The following EZH2 variants were observed in gnomAD, a reference collection of about 807,000 sequenced individuals.
EZH2 encodes the protein histone-lysine N-methyltransferase EZH2.
Under a neutral mutation model 98.4 loss-of-function variants are expected in EZH2, and 18 were observed. The observed-to-expected ratio is 0.18, with a 90% CI of 0.13 to 0.27. The LOEUF (loss-of-function observed/expected upper bound fraction) is 0.27, where lower values mean the gene tolerates loss of function less well. Ranked by LOEUF, EZH2 falls within the 10% of genes least tolerant of loss-of-function variation. The pLI, the probability that EZH2 is intolerant of heterozygous loss-of-function variation, is 1.00. For missense variants in EZH2, 470 were observed against 935.1 expected (o/e 0.50, Z 6.49); for synonymous variants, 338 against 312.3 (o/e 1.08, Z -0.87).
chr7:148,842,250 C>T (rs181525239), intron 3 of EZH2, among the ~76,000 whole-genome samples: 1 of 152,268 alleles, frequency 6.6e-6, no homozygotes, highest in Non-Finnish European at 1.5e-5. Flanking sequence ...AGTCATAACA[C>T]ATACAGTAGA....
intron 1 of EZH2, among the ~76,000 whole-genome samples, chr7:148,870,764 T>C (rs543146486): frequency 6.6e-6 from 1 of 150,596 alleles, no homozygotes; most frequent in Admixed American, 6.6e-5. Context: ...ACCCCGACTC[T>C]ATAAAAATGC....
intron 17 of EZH2, chr7:148,810,104 C>A: frequency 2.4e-6 from 1 of 413,942 alleles, no homozygotes; most frequent in Non-Finnish European, 4.5e-6. Flanking sequence ...ATAGTGCCAC[C>A]CACAGACAGC....
intron 8 of EZH2, among the ~76,000 whole-genome samples, chr7:148,823,264 A>G (rs924800303): frequency 1.3e-5 from 2 of 152,172 alleles, no homozygotes; most frequent in Non-Finnish European, 2.9e-5. Flanking sequence ...GGTAAACTTA[A>G]ACTTGCATGA....
At chr7:148,853,417 CA>C (rs956850891) in intron 1 of EZH2, among the ~76,000 whole-genome samples, 5 of 145,790 alleles carry the variant, frequency 3.4e-5, no homozygotes, top group Non-Finnish European at 4.6e-5. Context: ...ACTCCGTCTC[CA>C]AAAAAAAAAG....
intron 1 of EZH2, among the ~76,000 whole-genome samples, chr7:148,879,436 A>T (rs908796818): frequency 6.6e-6 from 1 of 151,958 alleles, no homozygotes; most frequent in African/African-American, 2.4e-5. Flanking sequence ...GACGCCTGTA[A>T]TCCTAGTACT....
chr7:148,817,053 C>G, intron 11 of EZH2, 169 bp downstream of exon 11: 4 of 658,534 alleles, frequency 6.1e-6, no homozygotes, highest in Non-Finnish European at 9.9e-6. Context: ...CTGTAACATA[C>G]CTGGAGAATA....
intron 3 of EZH2, among the ~76,000 whole-genome samples, chr7:148,838,552 A>G (rs1401140898): frequency 1.3e-5 from 2 of 152,194 alleles, no homozygotes; most frequent in African/African-American, 2.4e-5. Context: ...TTCATCCACC[A>G]CATGTAAATT....
At position 148,807,689 on chromosome 7, in the gene EZH2, G is replaced by A; in HGVS notation, c.2213C>T (p.Ala738Val). ...TCTTTCGATGCCGACATACTTCAGG[G>A]CATCAGCCTGGCTGTATCTGAAACA... Reference protein sequence around the residue: ...FFDYRYSQADALKYVGIEREM... With the variant: ...FFDYRYSQADVLKYVGIEREM... Residue 738 changes from alanine (A) to valine (V), a missense_variant, in exon 20 of 20, where the codon GCC becomes GTC. Physicochemically the swap from Ala to Val is moderately conservative, Grantham distance 64. Transcript: ENST00000320356. 6.3e-7 allele frequency: 1 copy of A among 1,595,436 alleles called. No homozygotes were observed. Among genetic ancestry groups the A allele is most frequent in the Non-Finnish European group, 8.5e-7 (1 of 1,170,124 alleles).
In EZH2 at chr7:148,846,611, AAT is replaced by A. The variant is rs1335650524; in HGVS notation, c.118-15_118-14del. On this transcript the variant is annotated splice_polypyrimidine_tract_variant and intron_variant, in intron 2 of 19. Coordinates refer to ENST00000320356, the MANE Select transcript of EZH2 (RefSeq NM_004456.5). ...AACTAAACATACTCTTAAAAAAAAAAATGAAGGAGAGGAAAGGAGAAATTGTT... is the reference window on the plus strand; with the variant it reads ...AACTAAACATACTCTTAAAAAAAAAAGAAGGAGAGGAAAGGAGAAATTGTT... 3 of 1,604,856 alleles carry A rather than the reference AAT, an allele frequency of 1.9e-6. No homozygotes were observed. The highest frequency in any genetic ancestry group is 2.6e-6 in the Non-Finnish European group (3 of 1,174,244).
intron 1 of EZH2, among the ~76,000 whole-genome samples, chr7:148,873,557 A>ATTTTTTTTTTTTTTT (rs58553084): frequency 1.3e-5 from 1 of 79,936 alleles, no homozygotes; most frequent in African/African-American, 5.0e-5. Flanking sequence ...CATGCTCTTC[A>ATTTTTTTTTTTTTTT]TTTTTTTTTT....
intron 14 of EZH2, 25 bp from the exon 15 acceptor site, chr7:148,814,162 T>C: frequency 1.2e-6 from 2 of 1,608,088 alleles, no homozygotes; most frequent in Non-Finnish European, 1.7e-6. Flanking sequence ...TTGGAGGTTC[T>C]TCACTCATCA....
At position 148,876,584 on chromosome 7, in the gene EZH2, T is replaced by C. The variant is rs902818641; in HGVS notation, c.-8+7580A>G. 2.7e-5 allele frequency among the ~76,000 whole-genome samples: 4 copies of C among 149,690 alleles called. No homozygotes were observed. The South Asian group carries it at 6.4e-4, about 24-fold the overall frequency. On this transcript the variant is annotated intron_variant, in intron 1 of 19. Coordinates refer to ENST00000320356, the MANE Select transcript of EZH2 (RefSeq NM_004456.5). ...AAATTGTCACACAAATGTTCAAAGA[T>C]ACATAAGGATGTTCACTTCTTTTCA...
At chr7:148,865,290 A>G (rs1818287924) in intron 1 of EZH2, among the ~76,000 whole-genome samples, 1 of 152,206 alleles carries the variant, frequency 6.6e-6, no homozygotes, top group East Asian at 1.9e-4. Context: ...TTTGCTAAGA[A>G]GTCTATTTTA....
chr7:148,866,193 C>T (rs887822380), intron 1 of EZH2, among the ~76,000 whole-genome samples: 3 of 152,238 alleles, frequency 2.0e-5, no homozygotes, highest in Middle Eastern at 3.4e-3. Context: ...ATTTCAAACC[C>T]TTCAAGTACT....
intron 3 of EZH2, among the ~76,000 whole-genome samples, chr7:148,838,109 C>G (rs1811383423): frequency 8.0e-6 from 1 of 125,220 alleles, no homozygotes; most frequent in Non-Finnish European, 1.6e-5. Context: ...GCTCTTGTTG[C>G]CAAGGTTAGA....
At chr7:148,849,655 G>A (rs1377243698) in intron 1 of EZH2, among the ~76,000 whole-genome samples, 1 of 152,152 alleles carries the variant, frequency 6.6e-6, no homozygotes, top group African/African-American at 2.4e-5. Context: ...AGCAGAAAAT[G>A]GTGTTAGGAA....
At chr7:148,818,181 A>G in intron 9 of EZH2, 64 bp from the exon 10 acceptor site, 1 of 1,489,852 alleles carries the variant, frequency 6.7e-7, no homozygotes, top group South Asian at 1.4e-5. Context: ...GGAAGAGAAA[A>G]AAAAATACTA....
chr7:148,863,159 G>T (rs1457366788), intron 1 of EZH2, among the ~76,000 whole-genome samples: 4 of 151,234 alleles, frequency 2.6e-5, no homozygotes, highest in African/African-American at 7.3e-5. Context: ...TTTGAGAACT[G>T]CTCCCCTTAA....
At chr7:148,868,101 T>C (rs1161975252) in intron 1 of EZH2, among the ~76,000 whole-genome samples, 1 of 152,186 alleles carries the variant, frequency 6.6e-6, no homozygotes, top group Non-Finnish European at 1.5e-5. Flanking sequence ...TCTTCCTGTC[T>C]TGTTCTGAGC....
Sources: allele counts gnomAD v4.1 joint callset (sites outside exome capture counted in the v4.1 genomes callset), GRCh38; gene constraint gnomAD v4.1.1; transcripts MANE v1.5; gene names NCBI Gene and HGNC (gene_info 2026-07-23, HGNC 2026-07-21).